Variants in DHX30 observed in about 807,000 individuals in gnomAD.
The protein encoded by DHX30 is DExH-box helicase 30.
DHX30 carries 4 observed loss-of-function variants against 116.9 expected under a neutral mutation model. The observed-to-expected ratio is 0.03, with a 90% CI of 0.02 to 0.08. The LOEUF (loss-of-function observed/expected upper bound fraction) is 0.08. Ranked by LOEUF, DHX30 falls within the 10% of genes least tolerant of loss-of-function variation. The pLI is 1.00. For missense variants in DHX30, 871 were observed against 1,595.1 expected (o/e 0.55, Z 7.73); for synonymous variants, 697 against 651.7 (o/e 1.07, Z -1.06).
intron 6 of DHX30, among the ~76,000 whole-genome samples, chr3:47,833,833 G>A (rs2036980862): frequency 6.6e-6 from 1 of 151,858 alleles, no homozygotes; most frequent in South Asian, 2.1e-4. Context: ...ACTTCAGCCT[G>A]AGCAACAAGA....
At chr3:47,807,961 A>G (rs772950579) in intron 2 of DHX30, among the ~76,000 whole-genome samples, 10 of 151,686 alleles carry the variant, frequency 6.6e-5, no homozygotes, top group Non-Finnish European at 1.3e-4. Context: ...CCCAGCCTGC[A>G]GTGCAGTGGC....
chr3:47,826,698 C>T (rs1176843414), intron 4 of DHX30, among the ~76,000 whole-genome samples: 1 of 147,050 alleles, frequency 6.8e-6, no homozygotes, highest in Non-Finnish European at 1.5e-5. Flanking sequence ...GTGATCCACC[C>T]GCCTTGGCCT....
Position 47,845,758 on chromosome 3 carries a change from C to A in DHX30, c.998C>A (p.Ala333Asp). The change falls in exon 10 of 22, where the codon GCC becomes GAC. Residue 333 changes from alanine to aspartate, a missense_variant. By Grantham distance (126) the Ala-to-Asp change is moderately radical (BLOSUM62 -2). Transcript: ENST00000445061. ...EPLTHAMYNL[A>D]SLRELGETQR... The stretch of plus-strand genomic sequence containing the variant: ...CTTACACACGCCATGTATAACCTGG[C>A]CTCTTTGCGTGAGCTGGGTGAGACC... 1 of 1,612,746 alleles carries A rather than the reference C, an allele frequency of 6.2e-7. No homozygotes were observed. The highest frequency in any genetic ancestry group is 1.1e-5 in the South Asian group (1 of 91,030).
intron 6 of DHX30, among the ~76,000 whole-genome samples, chr3:47,838,376 T>C (rs958888231): frequency 6.6e-6 from 1 of 152,224 alleles, no homozygotes; most frequent in East Asian, 1.9e-4. Flanking sequence ...TCCTCACACA[T>C]AAAAGTTCTA....
Position 47,846,627 on chromosome 3 carries a change from G to A in DHX30, c.1555G>A (p.Val519Met). The stretch of plus-strand genomic sequence containing the variant: ...CCTGCGCCGGAATGTGGGCTTCCAG[G>A]TGCGGTTGGAAAGTAAGCCCCCATC... ...PSLRRNVGFQ[V>M]RLESKPPSRG... is the part of the protein sequence containing the mutation. Residue 519 changes from valine to methionine, a missense_variant, in exon 11 of 22, where the codon GTG becomes ATG. By Grantham distance (21) the Val-to-Met change is conservative. Coordinates refer to ENST00000445061, the MANE Select transcript of DHX30 (RefSeq NM_138615.3). 1 of 1,614,094 alleles carries A rather than the reference G, an allele frequency of 6.2e-7. No homozygotes were observed.
intron 10 of DHX30, 53 bp from the exon 11 acceptor site, chr3:47,846,112 G>A: frequency 6.4e-7 from 1 of 1,562,108 alleles, no homozygotes; most frequent in African/African-American, 1.3e-5. Context: ...GGCTGGTTGT[G>A]TGTGAATGAG....
intron 4 of DHX30, among the ~76,000 whole-genome samples, chr3:47,824,196 T>C (rs139769061): frequency 2.2e-3 from 331 of 152,006 alleles, no homozygotes; most frequent in African/African-American, 7.7e-3. Context: ...AGAGATGGGG[T>C]TTCACCATGT....
intron 6 of DHX30, among the ~76,000 whole-genome samples, chr3:47,838,227 C>T (rs1215800326): frequency 6.6e-6 from 1 of 152,132 alleles, no homozygotes; most frequent in Non-Finnish European, 1.5e-5. Context: ...ATCGTCTGTC[C>T]CATAATCCTG....
At position 47,848,934 on chromosome 3, in the gene DHX30, G is replaced by A. The variant is rs367907433; in HGVS notation, c.2784G>A (p.Leu928=). The part of the protein sequence containing the change: ...RAEVDKVKAL[L]SHDSGSDHLA... ...TCCCCTCCCAGGTGAAAGCACTGTTGAGCCATGACAGCGGCAGTGACCACC... is the reference window on the plus strand; with the variant it reads ...TCCCCTCCCAGGTGAAAGCACTGTTAAGCCATGACAGCGGCAGTGACCACC... Residue 928 remains leucine (L), a synonymous_variant, in exon 18 of 22, where the codon TTG becomes TTA. Transcript: ENST00000445061. This position sits in a 1 kb window ranked among gnomAD's most constrained non-coding sequence, Gnocchi z 9.4. 3 of 1,608,404 alleles carry A rather than the reference G, an allele frequency of 1.9e-6. No homozygotes were observed. Among genetic ancestry groups the A allele is most frequent in the Non-Finnish European group, 2.6e-6 (3 of 1,176,342 alleles).
At chr3:47,822,878 G>C (rs1165263489) in intron 4 of DHX30, among the ~76,000 whole-genome samples, 1 of 152,056 alleles carries the variant, frequency 6.6e-6, no homozygotes, top group Non-Finnish European at 1.5e-5. Context: ...CGAATCATGA[G>C]GTCAGGAGAT....
intron 6 of DHX30, 101 bp from the exon 7 acceptor site, chr3:47,840,776 A>C: frequency 6.8e-7 from 1 of 1,470,282 alleles, no homozygotes; most frequent in South Asian, 1.2e-5. Context: ...ATGAAAAACC[A>C]CGGCTGCACA....
chr3:47,831,924 C>CTTTTTTTTTT (rs1448275730), intron 6 of DHX30, among the ~76,000 whole-genome samples: 9 of 120,378 alleles, frequency 7.5e-5, no homozygotes, highest in East Asian at 2.7e-4. Flanking sequence ...AGGCCTTTTC[C>CTTTTTTTTTT]TTTTTCTTTT....
At chr3:47,829,894 A>C (rs2036759213) in intron 6 of DHX30, among the ~76,000 whole-genome samples, 1 of 150,828 alleles carries the variant, frequency 6.6e-6, no homozygotes, top group Non-Finnish European at 1.5e-5. Flanking sequence ...TGGGCTGGCG[A>C]GATCTCAGCT....
At chr3:47,808,209 T>G (rs907516688) in intron 2 of DHX30, among the ~76,000 whole-genome samples, 1 of 151,274 alleles carries the variant, frequency 6.6e-6, no homozygotes, top group African/African-American at 2.4e-5. Context: ...TGCACCCGCC[T>G]TACTTTTTGT....
At chr3:47,818,515 G>C (rs1474729970) in intron 4 of DHX30, among the ~76,000 whole-genome samples, 1 of 152,182 alleles carries the variant, frequency 6.6e-6, no homozygotes, top group African/African-American at 2.4e-5. Context: ...CTCAACCCTA[G>C]TGCTTTCCAT....
At chr3:47,814,808 C>G (rs1248853707) in intron 3 of DHX30, among the ~76,000 whole-genome samples, 3 of 152,114 alleles carry the variant, frequency 2.0e-5, no homozygotes, top group African/African-American at 7.2e-5. Context: ...GTGTGAACCA[C>G]CACGCCCGGC....
chr3:47,808,874 G>A (rs1253493340), intron 2 of DHX30, among the ~76,000 whole-genome samples: 2 of 149,904 alleles, frequency 1.3e-5, no homozygotes, highest in Admixed American at 6.7e-5. Context: ...ACTGCAACCA[G>A]CCGAGTTTTG....
At chr3:47,846,130 T>A (rs1281992603) in intron 10 of DHX30, 35 bp from the exon 11 acceptor site, 1 of 1,586,478 alleles carries the variant, frequency 6.3e-7, no homozygotes, top group Non-Finnish European at 8.6e-7. Context: ...GAGGAATTTC[T>A]TTTTCATTGT....
At position 47,816,108 on chromosome 3, in the gene DHX30, G is replaced by A. The variant is rs142042442; in HGVS notation, c.29-1914G>A. On this transcript the variant is annotated intron_variant, in intron 3 of 21. Coordinates refer to ENST00000445061, the MANE Select transcript of DHX30 (RefSeq NM_138615.3). ...CATTTAGTTCTAGAAGATCCTACAAGCACGTCTGCTGTAACTCTATGTATG... is the reference window on the plus strand; with the variant it reads ...CATTTAGTTCTAGAAGATCCTACAAACACGTCTGCTGTAACTCTATGTATG... The A allele has an allele frequency of 1.0e-4, 103 of 984,816 alleles. No homozygotes were observed. In the African/African-American group the frequency reaches 1.7e-3, roughly 16 times the overall value. The allele number at this position is 984,816 out of a possible 1,614,324, so 61.0% of individuals were successfully genotyped here. A position where few individuals can be genotyped will look rare whatever the true frequency, so the allele number is the denominator to read the frequency against.
Sources: allele counts gnomAD v4.1 joint callset (sites outside exome capture counted in the v4.1 genomes callset), GRCh38; gene constraint gnomAD v4.1.1; non-coding constraint Gnocchi (gnomAD v3.1); transcripts MANE v1.5; gene names NCBI Gene and HGNC (gene_info 2026-07-23, HGNC 2026-07-21).